CSMD3: variants seen among roughly 807,000 people sequenced by gnomAD.
CSMD3 encodes CUB and sushi domain-containing protein 3.
Under a neutral mutation model 435.2 loss-of-function variants are expected in CSMD3, and 177 were observed. The observed-to-expected ratio is 0.41, with a 90% CI of 0.36 to 0.46. The LOEUF is 0.46. Ranked by LOEUF, CSMD3 falls within the 20% of genes least tolerant of loss-of-function variation. The pLI, the probability that CSMD3 is intolerant of heterozygous loss-of-function variation, is 0.34. For missense variants in CSMD3, 4,265 were observed against 4,504.6 expected (o/e 0.95, Z 1.52); for synonymous variants, 1,656 against 1,520.5 (o/e 1.09, Z -2.07).
intron 1 of CSMD3, among the ~76,000 whole-genome samples, chr8:113,342,048 C>CAGTTGCTTT (rs2094122783): frequency 6.7e-6 from 1 of 149,696 alleles, no homozygotes; most frequent in African/African-American, 2.5e-5. Context: ...GTAGAATAGC[C>CAGTTGCTTT]AAAATATTAC....
chr8:113,421,007 A>G (rs2094606528), intron 1 of CSMD3, among the ~76,000 whole-genome samples: 1 of 152,162 alleles, frequency 6.6e-6, no homozygotes, highest in African/African-American at 2.4e-5. Context: ...TCAAAGAAAT[A>G]CTACTGATAG....
intron 3 of CSMD3, among the ~76,000 whole-genome samples, chr8:113,271,924 A>G (rs1436564683): frequency 6.6e-6 from 1 of 152,172 alleles, no homozygotes; most frequent in Non-Finnish European, 1.5e-5. Context: ...CTCTTTCATC[A>G]GCTTGACCTG....
chr8:113,347,882 C>T lies in CSMD3; in HGVS notation c.179-33089G>A, dbSNP rs536358439. 6.6e-5 allele frequency among the ~76,000 whole-genome samples: 10 copies of T among 151,896 alleles called. No homozygotes were observed. In the South Asian group the frequency reaches 1.7e-3, roughly 25 times the overall value. On this transcript the variant is annotated intron_variant, in intron 1 of 70. Transcript: ENST00000297405. ...ACAACATAAAGAGAGTATCTGAGAG[C>T]CCAAAGCTGGGCTAAAGTTGGCAAA... is the stretch of plus-strand genomic sequence containing the variant.
At chr8:113,022,710 T>C (rs1202467263) in intron 5 of CSMD3, among the ~76,000 whole-genome samples, 2 of 151,686 alleles carry the variant, frequency 1.3e-5, no homozygotes, top group Non-Finnish European at 2.9e-5. Flanking sequence ...CATACATTTG[T>C]TCCCTAATAC....
At chr8:112,622,252 C>A (rs933268731) in intron 22 of CSMD3, among the ~76,000 whole-genome samples, 1 of 152,240 alleles carries the variant, frequency 6.6e-6, no homozygotes, top group Admixed American at 6.5e-5. Flanking sequence ...AAAATGTCCT[C>A]TCCTGTCCAA....
chr8:113,420,412 G>A (rs1427289523), intron 1 of CSMD3, among the ~76,000 whole-genome samples: 3 of 151,798 alleles, frequency 2.0e-5, no homozygotes, highest in African/African-American at 2.4e-5. Context: ...TTATACATAC[G>A]ATAGTAAGAC....
chr8:113,146,817 T>C (rs923082903), intron 4 of CSMD3, among the ~76,000 whole-genome samples: 2 of 151,606 alleles, frequency 1.3e-5, no homozygotes, highest in Non-Finnish European at 3.0e-5. Context: ...ATTAGGAATA[T>C]GAAAAAGATT....
chr8:112,872,007 T>C (rs568299547), intron 10 of CSMD3, among the ~76,000 whole-genome samples: 113 of 152,110 alleles, frequency 7.4e-4, no homozygotes, highest in African/African-American at 2.7e-3. Context: ...ACTGGAAAAA[T>C]ACTGAATTAT....
At chr8:113,072,255 T>C (rs1249615450) in intron 5 of CSMD3, among the ~76,000 whole-genome samples, 2 of 151,818 alleles carry the variant, frequency 1.3e-5, no homozygotes, top group East Asian at 3.9e-4. Context: ...AAAGCATTAA[T>C]TTTACTTCTT....
chr8:112,357,566 G>A (rs1826744596), intron 38 of CSMD3, among the ~76,000 whole-genome samples: 1 of 152,184 alleles, frequency 6.6e-6, no homozygotes, highest in Non-Finnish European at 1.5e-5. Flanking sequence ...CTTCATGGCA[G>A]CCCCTCCCAT....
At chr8:112,335,810 C>T (rs1824505665) in intron 44 of CSMD3, among the ~76,000 whole-genome samples, 1 of 151,274 alleles carries the variant, frequency 6.6e-6, no homozygotes, top group Non-Finnish European at 1.5e-5. Flanking sequence ...TTTTCTTCAG[C>T]AACAGTCTTG....
chr8:112,533,658 A>G (rs1825758531), intron 27 of CSMD3, among the ~76,000 whole-genome samples: 1 of 152,090 alleles, frequency 6.6e-6, no homozygotes. Context: ...GAGAAAGAAC[A>G]GTACAATAAT....
intron 68 of CSMD3, among the ~76,000 whole-genome samples, chr8:112,232,220 G>A (rs1180250344): frequency 6.6e-6 from 1 of 152,206 alleles, no homozygotes; most frequent in African/African-American, 2.4e-5. Context: ...AATCTATACA[G>A]ACAGAAAATA....
At chr8:113,221,404 C>T (rs1317856006) in intron 3 of CSMD3, among the ~76,000 whole-genome samples, 1 of 148,272 alleles carries the variant, frequency 6.7e-6, no homozygotes, top group African/African-American at 2.5e-5. Flanking sequence ...GAGGCCAGGA[C>T]AAATAAAGCA....
At chr8:112,432,446 GGT>G (rs1380898746) in intron 32 of CSMD3, among the ~76,000 whole-genome samples, 3 of 152,032 alleles carry the variant, frequency 2.0e-5, no homozygotes, top group African/African-American at 7.2e-5. Context: ...TGAGACCACA[GGT>G]GTGAGCCACC....
intron 5 of CSMD3, among the ~76,000 whole-genome samples, chr8:113,027,448 C>T (rs2086915589): frequency 6.6e-6 from 1 of 152,086 alleles, no homozygotes; most frequent in African/African-American, 2.4e-5. Flanking sequence ...CATTAATTTT[C>T]CACACTGTGC....
chr8:113,404,915 T>C (rs1473237409), intron 1 of CSMD3, among the ~76,000 whole-genome samples: 1 of 151,504 alleles, frequency 6.6e-6, no homozygotes, highest in Non-Finnish European at 1.5e-5. Flanking sequence ...TATGTATGTG[T>C]TATGTGCAAG....
intron 4 of CSMD3, among the ~76,000 whole-genome samples, chr8:113,147,125 A>G: frequency 6.6e-6 from 1 of 151,678 alleles, no homozygotes; most frequent in East Asian, 1.9e-4. Flanking sequence ...ATCACTCCCT[A>G]ATAAATAAAC....
rs2130075097 is a variant in CSMD3 at position 112,408,914 on chromosome 8, G to A, written c.5509+5C>T. 1 of 1,613,318 alleles carries A rather than the reference G, an allele frequency of 6.2e-7. No homozygotes were observed. The highest frequency in any genetic ancestry group is 1.1e-5 in the South Asian group (1 of 91,062). ...CTGATGCATGGCAGTTCTATTAAAG[G>A]ATACCTGAATGGGATCCTGAGAGGG... On this transcript the variant is annotated splice_donor_5th_base_variant and intron_variant, in intron 33 of 70. Transcript: ENST00000297405.
Sources: allele counts gnomAD v4.1 joint callset (sites outside exome capture counted in the v4.1 genomes callset), GRCh38; gene constraint gnomAD v4.1.1; transcripts MANE v1.5; gene names NCBI Gene and HGNC (gene_info 2026-07-23, HGNC 2026-07-21).